The following DDX23 variants were observed in gnomAD, a reference collection of about 807,000 sequenced individuals.
DDX23 encodes the protein DEAD-box helicase 23.
Under a neutral mutation model 102.7 loss-of-function variants are expected in DDX23, and 33 were observed. The ratio of observed to expected loss-of-function variants is 0.32; its 90% CI spans 0.24 to 0.43. The LOEUF is 0.43. DDX23 is among the 20% of genes least tolerant of loss of function. DDX23 has a pLI of 1.00. For synonymous variants in DDX23, 352 were observed against 376.0 expected (o/e 0.94, Z 0.74); for missense variants, 549 against 1,086.6 (o/e 0.51, Z 6.96).
At chr12:48,843,380 C>T (rs1039197611) in intron 3 of DDX23, among the ~76,000 whole-genome samples, 1 of 151,476 alleles carries the variant, frequency 6.6e-6, no homozygotes, top group African/African-American at 2.4e-5. Flanking sequence ...GGGTGGATCA[C>T]CTAAGCCTGG....
At position 48,836,407 on chromosome 12, in the gene DDX23, C is replaced by T; in HGVS notation, c.1237-141G>A. The T allele has an allele frequency of 7.9e-7, 1 of 1,265,584 alleles. No homozygotes were observed. The highest frequency in any genetic ancestry group is 1.1e-6 in the Non-Finnish European group (1 of 900,010). 78.4% of individuals were successfully genotyped at this position (1,265,584 alleles called of 1,614,324 possible). On this transcript the variant is annotated intron_variant, in intron 10 of 16. Transcript: ENST00000308025. This position sits in a 1 kb window ranked among gnomAD's most constrained non-coding sequence, Gnocchi z 6.1. ...CAGAAATAGGGACCCCAAGAAGAAACCTAATCACTAAAAGCCAACACTTCT... is the reference window on the plus strand; with the variant it reads ...CAGAAATAGGGACCCCAAGAAGAAATCTAATCACTAAAAGCCAACACTTCT...
chr12:48,848,912 C>A (rs1372101204), intron 1 of DDX23, among the ~76,000 whole-genome samples: 1 of 152,044 alleles, frequency 6.6e-6, no homozygotes, highest in East Asian at 1.9e-4. Context: ...CCACACCACG[C>A]CTGGCTAATT....
At position 48,832,245 on chromosome 12, in the gene DDX23, C is replaced by G; in HGVS notation, c.1956-59G>C. On this transcript the variant is annotated intron_variant, in intron 14 of 16. Coordinates refer to ENST00000308025, the MANE Select transcript of DDX23 (RefSeq NM_004818.3). The surrounding 1 kb of genome is among the most constrained non-coding windows in gnomAD (Gnocchi z 4.4). Reference sequence around the variant, plus strand: ...TACCTCCCACTCCAAGTGAAATGCCCAACCCTCATCTATGAACACTACTTT... The same window carrying G: ...TACCTCCCACTCCAAGTGAAATGCCGAACCCTCATCTATGAACACTACTTT... The G allele has an allele frequency of 6.3e-7, 1 of 1,587,190 alleles. No homozygotes were observed. The highest frequency in any genetic ancestry group is 8.6e-7 in the Non-Finnish European group (1 of 1,156,854).
chr12:48,847,817 C>T (rs1359898312), intron 1 of DDX23, among the ~76,000 whole-genome samples: 1 of 150,994 alleles, frequency 6.6e-6, no homozygotes, highest in Non-Finnish European at 1.5e-5. Context: ...CCCTGTCACA[C>T]ACCAAAAAAT....
At chr12:48,841,462 C>T (rs1705020144) in intron 3 of DDX23, among the ~76,000 whole-genome samples, 2 of 152,246 alleles carry the variant, frequency 1.3e-5, no homozygotes, top group South Asian at 4.1e-4. Flanking sequence ...CTCCCCTCTC[C>T]CCACGGTCTC....
In DDX23 at chr12:48,836,686, G is replaced by A. The variant is rs761500838; in HGVS notation, c.1119C>T (p.Phe373=). 164 of 1,614,102 alleles carry A rather than the reference G, an allele frequency of 1.0e-4. No homozygotes were observed. The highest frequency in any genetic ancestry group is 1.2e-4 in the Non-Finnish European group (139 of 1,180,050). The change falls in exon 10 of 17, where the codon TTC becomes TTT. Residue 373 remains phenylalanine, a synonymous_variant. Coordinates refer to ENST00000308025, the MANE Select transcript of DDX23 (RefSeq NM_004818.3). The surrounding 1 kb of genome is among the most constrained non-coding windows in gnomAD (Gnocchi z 6.1). ...TGGTGGTGATGCTGTAGTCCTCACG[G>A]AAGATCCGCCAGTCCCTGTCCGTCA... The part of the protein sequence containing the change: ...DEMTDRDWRI[F]REDYSITTKG...
intron 1 of DDX23, among the ~76,000 whole-genome samples, chr12:48,848,990 G>A (rs1938714764): frequency 6.6e-6 from 1 of 151,988 alleles, no homozygotes; most frequent in East Asian, 1.9e-4. Context: ...CTGACCTCAG[G>A]TGATCCGCCC....
At position 48,829,793 on chromosome 12, in the gene DDX23, T is replaced by C. The variant is rs1024570596; in HGVS notation, c.*676A>G. ...TATTCATGTATTTATTCTCAGAACATACAAACTTATCTTCTCAGAGAATAG... is the reference window on the plus strand; with the variant it reads ...TATTCATGTATTTATTCTCAGAACACACAAACTTATCTTCTCAGAGAATAG... On this transcript the variant is annotated 3_prime_UTR_variant, in exon 17 of 17. Transcript: ENST00000308025. The C allele has an allele frequency of 4.7e-6, 1 of 211,786 alleles. No homozygotes were observed. Among genetic ancestry groups the C allele is most frequent in the South Asian group, 8.2e-5 (1 of 12,204 alleles). The allele number at this position is 211,786 out of a possible 1,614,324, so 13.1% of individuals were successfully genotyped here. A position where few individuals can be genotyped will look rare whatever the true frequency, so the allele number is the denominator to read the frequency against.
In DDX23 at chr12:48,848,308, C is replaced by CA. The variant is rs999000148; in HGVS notation, c.1-2527dup. Among the ~76,000 whole-genome samples, 374 of 120,192 alleles carry CA rather than the reference C, an allele frequency of 3.1e-3. 1 individual carries two copies. The highest frequency in any genetic ancestry group is 0.011 in the South Asian group (43 of 3,956). The allele number at this position is 120,192 out of a possible 152,430, so 78.9% of individuals were successfully genotyped here. The stretch of plus-strand genomic sequence containing the variant: ...CTCAAAAACAAAACAAAACAAAAAA[C>CA]AAAAAAAAAAAGAAAACAAAGTCTC... On this transcript the variant is annotated intron_variant, in intron 1 of 16. Transcript: ENST00000308025.
intron 1 of DDX23, 39 bp from the exon 2 acceptor site, chr12:48,845,821 A>C: frequency 6.3e-7 from 1 of 1,583,970 alleles, no homozygotes; most frequent in South Asian, 1.1e-5. Flanking sequence ...TGTACTAGGC[A>C]CTGCTCTAAA....
At chr12:48,838,910 C>T (rs1412174349) in intron 5 of DDX23, among the ~76,000 whole-genome samples, 2 of 152,094 alleles carry the variant, frequency 1.3e-5, no homozygotes, top group South Asian at 2.1e-4. Context: ...GACTCTCGCT[C>T]TGTTGCCCAA....
rs74549209 is a variant in DDX23 at position 48,832,087 on chromosome 12, C to T, written c.2055G>A (p.Glu685=). The T allele has an allele frequency of 2.6e-3, 4,254 of 1,613,998 alleles. 99 individuals carry two copies. In the African/African-American group the frequency reaches 0.048, roughly 18 times the overall value. Residue 685 remains glutamate, a synonymous_variant, in exon 15 of 17, where the codon GAG becomes GAA. Transcript: ENST00000308025. This position sits in a 1 kb window ranked among gnomAD's most constrained non-coding sequence, Gnocchi z 4.4. ...KGCDVLAKSL[E]KMGYNACTLH... ...CCCCTGCCAGACACACCCCCATCTTCTCCAGGGATTTGGCCAACACGTCGC... is the reference window on the plus strand; with the variant it reads ...CCCCTGCCAGACACACCCCCATCTTTTCCAGGGATTTGGCCAACACGTCGC...
In DDX23 at chr12:48,833,455, C is replaced by T. The variant is rs563923792; in HGVS notation, c.1625G>A (p.Arg542His). ...CTCATCCAGAACCACATAGGTACAG[C>T]GGCTCAGCACCAGGTAGCGGTTCTC... ...VLENRYLVLS[R>H]CTYVVLDEAD... The change falls in exon 13 of 17, where the codon CGC (arginine) becomes CAC (histidine). Residue 542 changes from arginine to histidine, a missense_variant. Transcript: ENST00000308025. The T allele has an allele frequency of 1.9e-6, 3 of 1,614,180 alleles. No individual in the cohort carries two copies. Among genetic ancestry groups the T allele is most frequent in the South Asian group, 1.1e-5 (1 of 91,078 alleles).
Position 48,834,413 on chromosome 12 carries a change from G to C in DDX23, c.1467C>G (p.Ile489Met). ...ELAQQIEEET[I>M]KFGKPLGIRT... ...GGATACCTAGCGGTTTCCCAAACTT[G>C]ATGGTCTCTTCCTCAATCTGTTGAG... Residue 489 changes from isoleucine to methionine, a missense_variant, in exon 12 of 17, where the codon ATC becomes ATG. Transcript: ENST00000308025. 1 of 1,614,160 alleles carries C rather than the reference G, an allele frequency of 6.2e-7. No homozygotes were observed.
intron 3 of DDX23, among the ~76,000 whole-genome samples, chr12:48,841,097 G>A (rs1938543680): frequency 6.6e-6 from 1 of 151,928 alleles, no homozygotes; most frequent in African/African-American, 2.4e-5. Flanking sequence ...TAAGAACTCT[G>A]TATACAGGCC....
At chr12:48,842,307 TCCGGGAGGTGAGGGGCGCCTCTGC>T (rs1938573816) in intron 3 of DDX23, among the ~76,000 whole-genome samples, 1 of 134,242 alleles carries the variant, frequency 7.4e-6, no homozygotes, top group Admixed American at 7.3e-5. Flanking sequence ...AGCCGCCCTG[TCCGGGAGGTGAGGGGCGCCTCTGC>T]CCGGCCGCCC....
chr12:48,847,521 A>G (rs529404189), intron 1 of DDX23, among the ~76,000 whole-genome samples: 1 of 152,050 alleles, frequency 6.6e-6, no homozygotes, highest in African/African-American at 2.4e-5. Flanking sequence ...TCAAAAAAAA[A>G]AAAAAAGAAA....
chr12:48,830,364 C>A lies in DDX23; in HGVS notation c.*105G>T, dbSNP rs746883566. The A allele has an allele frequency of 1.5e-6, 2 of 1,337,600 alleles. No homozygotes were observed. The allele number at this position is 1,337,600 out of a possible 1,614,324, so 82.9% of individuals were successfully genotyped here. ...GGGAGTTGGATTGTTTTCCTAAGCCCCCATATCCCAAGAGTGAGGACCTGG... is the reference window on the plus strand; with the variant it reads ...GGGAGTTGGATTGTTTTCCTAAGCCACCATATCCCAAGAGTGAGGACCTGG... On this transcript the variant is annotated 3_prime_UTR_variant, in exon 17 of 17. Coordinates refer to ENST00000308025, the MANE Select transcript of DDX23 (RefSeq NM_004818.3). The surrounding 1 kb of genome is among the most constrained non-coding windows in gnomAD (Gnocchi z 4.9).
chr12:48,832,658 A>C lies in DDX23; in HGVS notation c.1804-85T>G. 1.3e-6 allele frequency: 2 copies of C among 1,510,820 alleles called. No individual in the cohort carries two copies. Among genetic ancestry groups the C allele is most frequent in the South Asian group, 1.3e-5 (1 of 78,762 alleles). 93.6% of individuals were successfully genotyped at this position (1,510,820 alleles called of 1,614,324 possible). A position where few individuals can be genotyped will look rare whatever the true frequency, so the allele number is the denominator to read the frequency against. On this transcript the variant is annotated intron_variant, in intron 13 of 16. Coordinates refer to ENST00000308025, the MANE Select transcript of DDX23 (RefSeq NM_004818.3). This position sits in a 1 kb window ranked among gnomAD's most constrained non-coding sequence, Gnocchi z 4.4. ...CACCGAAGGCAGGTCAGCCCAGACT[A>C]AAGAATCTAAAATGGGCCACAGTAT...
Sources: gnomAD v4.1 joint callset for allele counts (sites outside exome capture counted in the v4.1 genomes callset) on GRCh38, gnomAD v4.1.1 for gene constraint, Gnocchi (gnomAD v3.1) non-coding constraint, MANE v1.5 for transcripts, NCBI Gene and HGNC (gene_info 2026-07-23, HGNC 2026-07-21) for gene names.